SSTR3: variants seen among roughly 807,000 people sequenced by gnomAD.
SSTR3 encodes somatostatin receptor 3.
For missense variants in SSTR3, 504 were observed against 604.7 expected (o/e 0.83, Z 1.75); for synonymous variants, 281 against 269.2 (o/e 1.04, Z -0.43).
the SSTR3 span, among the ~76,000 whole-genome samples, chr22:37,219,442 T>G: frequency 6.6e-6 from 1 of 152,202 alleles, no homozygotes. Context: ...CTGCTCATTT[T>G]ACCTTCCTTG....
Position 37,206,870 on chromosome 22 carries a change from G to A in SSTR3, c.934C>T (p.Leu312Phe), listed in dbSNP as rs866155133. ...PYANSCANPI[L>F]YGFLSYRFKQ... ...AAGCGGTAGGAGAGGAAGCCATAAA[G>A]GATGGGGTTGGCACAGCTGTTGGCA... is the stretch of plus-strand genomic sequence containing the variant. The change falls in exon 2 of 2, where the codon CTT becomes TTT. Residue 312 changes from leucine to phenylalanine, a missense_variant. Transcript: ENST00000610913. 6.2e-7 allele frequency: 1 copy of A among 1,613,552 alleles called. No individual in the cohort carries two copies. Among genetic ancestry groups the A allele is most frequent in the Non-Finnish European group, 8.5e-7 (1 of 1,180,018 alleles).
At chr22:37,213,563 C>T (rs546424329), upstream of SSTR3, among the ~76,000 whole-genome samples, 12 of 152,338 alleles carry the variant, frequency 7.9e-5, no homozygotes, top group Admixed American at 1.3e-4. Flanking sequence ...CACTTCCAGC[C>T]GGAGCCGGCC....
At chr22:37,216,783 C>A (rs1047841038), upstream of SSTR3, among the ~76,000 whole-genome samples, 4 of 135,170 alleles carry the variant, frequency 3.0e-5, no homozygotes, top group African/African-American at 1.0e-4. Context: ...TTTATGGGGG[C>A]CTTGGGGTTT....
Position 37,206,362 on chromosome 22 carries a change from G to T in SSTR3, c.*185C>A. ...ACTCCTATCCCTGAGTCACAGAGGAGAAAACAAGGCCCAGAGAGTAGAAGC... is the reference window on the plus strand; with the variant it reads ...ACTCCTATCCCTGAGTCACAGAGGATAAAACAAGGCCCAGAGAGTAGAAGC... On this transcript the variant is annotated 3_prime_UTR_variant, in exon 2 of 2. Transcript: ENST00000610913. 1 of 887,680 alleles carries T rather than the reference G, an allele frequency of 1.1e-6. No homozygotes were observed. Among genetic ancestry groups the T allele is most frequent in the Non-Finnish European group, 1.6e-6 (1 of 609,168 alleles). 55.0% of individuals were successfully genotyped at this position (887,680 alleles called of 1,614,324 possible).
rs1926225323 is a variant in SSTR3, at chr22:37,212,090, G to T, written c.-302C>A. ...CCCCCCATCTCCAGGACACATCCTG[G>T]GGGGGCAGGGGCAAGGATAGGGGGG... On this transcript the variant is annotated 5_prime_UTR_variant, in exon 1 of 2. Transcript: ENST00000610913. The T allele has an allele frequency of 2.0e-6, 2 of 985,522 alleles. No individual in the cohort carries two copies. Among genetic ancestry groups the T allele is most frequent in the Non-Finnish European group, 2.4e-6 (2 of 830,182 alleles). 61.0% of individuals were successfully genotyped at this position (985,522 alleles called of 1,614,324 possible).
chr22:37,218,633 G>A, the SSTR3 span, among the ~76,000 whole-genome samples: 2 of 150,922 alleles, frequency 1.3e-5, no homozygotes, highest in African/African-American at 4.9e-5. Flanking sequence ...AGGAGTGGAG[G>A]AGTGATTATT....
chr22:37,215,374 G>C (rs778114775), upstream of SSTR3, among the ~76,000 whole-genome samples: 10 of 152,016 alleles, frequency 6.6e-5, no homozygotes, highest in Non-Finnish European at 8.8e-5. Flanking sequence ...GAGCCACCTC[G>C]CCCAGCCTGA....
chr22:37,216,793 T>TTTTG (rs36097671), upstream of SSTR3, among the ~76,000 whole-genome samples: 46,335 of 151,354 alleles, frequency 0.31, 8,081 homozygotes, highest in Non-Finnish European at 0.42. Context: ...CCTTGGGGTT[T>TTTTG]TTTTGTTTTG....
upstream of SSTR3, among the ~76,000 whole-genome samples, chr22:37,214,083 GC>G (rs1555906763): frequency 1.8e-4 from 27 of 152,096 alleles, no homozygotes; most frequent in Non-Finnish European, 8.8e-5. Flanking sequence ...TCATCAGTGT[GC>G]CCCCTGCCAC....
chr22:37,217,964 A>G, the SSTR3 span, among the ~76,000 whole-genome samples: 2 of 152,114 alleles, frequency 1.3e-5, no homozygotes, highest in African/African-American at 4.8e-5. Context: ...TCGGCCTCCC[A>G]AATTGCTGGG....
At chr22:37,219,113 A>C in the SSTR3 span, among the ~76,000 whole-genome samples, 1 of 151,922 alleles carries the variant, frequency 6.6e-6, no homozygotes, top group Middle Eastern at 3.2e-3. Flanking sequence ...TGAAGGTGGG[A>C]GTTTGTGTTT....
intron 1 of SSTR3, among the ~76,000 whole-genome samples, chr22:37,211,542 C>T (rs1174078174): frequency 1.3e-5 from 2 of 152,198 alleles, no homozygotes; most frequent in Non-Finnish European, 2.9e-5. Flanking sequence ...AGAGCTGCCA[C>T]GTGAGCTGGG....
rs1287662769 is a variant in SSTR3 at position 37,204,864 on chromosome 22, C to T, written c.*1683G>A. 2 of 152,290 alleles carry T rather than the reference C, an allele frequency of 1.3e-5. No individual in the cohort carries two copies. The highest frequency in any genetic ancestry group is 3.8e-4 in the East Asian group (2 of 5,202). 9.4% of individuals were successfully genotyped at this position (152,290 alleles called of 1,614,324 possible). On this transcript the variant is annotated 3_prime_UTR_variant, in exon 2 of 2. Coordinates refer to ENST00000610913, the MANE Select transcript of SSTR3 (RefSeq NM_001051.5). ...CCTGAGGTGTGCTGAAGATCCAAGT[C>T]TCCAAAAGTCTGGTTCCTGTGCTTT...
At chr22:37,211,200 G>A (rs1053825615) in intron 1 of SSTR3, among the ~76,000 whole-genome samples, 6 of 152,180 alleles carry the variant, frequency 3.9e-5, no homozygotes, top group African/African-American at 1.2e-4. Context: ...AGTGCAGGGC[G>A]ATGGCCCCTG....
At chr22:37,210,614 G>A (rs1926133504) in intron 1 of SSTR3, 2 of 985,478 alleles carry the variant, frequency 2.0e-6, no homozygotes, top group African/African-American at 1.7e-5. Flanking sequence ...CCTTGAGAAG[G>A]AGGGACTTTT....
At chr22:37,210,485 T>C in intron 1 of SSTR3, 2 of 980,332 alleles carry the variant, frequency 2.0e-6, no homozygotes, top group South Asian at 4.7e-5. Flanking sequence ...CTGTCAAAGT[T>C]TGAGGGGCCC....
At position 37,207,672 on chromosome 22, in the gene SSTR3, G is replaced by A. The variant is rs771413641; in HGVS notation, c.132C>T (p.Gly44=). 10 of 1,573,014 alleles carry A rather than the reference G, an allele frequency of 6.4e-6. No individual in the cohort carries two copies. Among genetic ancestry groups the A allele is most frequent in the East Asian group, 4.5e-5 (2 of 44,372 alleles). ...GPSPAGLAVS[G]VLIPLVYLVV... is the part of the protein sequence containing the mutation. ...CCAGGTAGACCAGGGGGATCAGAAC[G>A]CCACTGACGGCCAGCCCTGCCGGGC... The change falls in exon 2 of 2, where the codon GGC becomes GGT. Residue 44 remains glycine, a synonymous_variant. Transcript: ENST00000610913.
At chr22:37,219,421 T>C in the SSTR3 span, among the ~76,000 whole-genome samples, 2 of 151,988 alleles carry the variant, frequency 1.3e-5, no homozygotes, top group East Asian at 3.9e-4. Flanking sequence ...AATTTTGGAT[T>C]CTGCAAAAAA....
the SSTR3 span, among the ~76,000 whole-genome samples, chr22:37,219,255 TCAAGC>T: frequency 6.6e-6 from 1 of 152,202 alleles, no homozygotes; most frequent in Non-Finnish European, 1.5e-5. Context: ...GATCTGTGGA[TCAAGC>T]CACATGGTGG....
Sources: gnomAD v4.1 joint callset for allele counts (sites outside exome capture counted in the v4.1 genomes callset) on GRCh38, gnomAD v4.1.1 for gene constraint, MANE v1.5 for transcripts, NCBI Gene and HGNC (gene_info 2026-07-23, HGNC 2026-07-21) for gene names.